SPATA9: variants seen among roughly 807,000 people sequenced by gnomAD.
SPATA9 encodes the protein spermatogenesis-associated protein 9.
Under a neutral mutation model 25.5 loss-of-function variants are expected in SPATA9, and 27 were observed. That is an observed-to-expected ratio of 1.06 (90% CI 0.78 to 1.46). The LOEUF (loss-of-function observed/expected upper bound fraction) is 1.46. SPATA9 is among the 40% of genes most tolerant of loss of function. The pLI is 0.00. For missense variants in SPATA9, 282 were observed against 297.5 expected (o/e 0.95, Z 0.38); for synonymous variants, 102 against 105.7 (o/e 0.97, Z 0.21).
At chr5:95,730,991 C>G in the SPATA9 span, 1 of 610,304 alleles carries the variant, frequency 1.6e-6, no homozygotes, top group South Asian at 1.5e-5. Flanking sequence ...CCTCCTTTTT[C>G]CAGTCCGGAG....
At chr5:95,681,089 A>C (rs968206695) in intron 2 of SPATA9, among the ~76,000 whole-genome samples, 20 of 152,210 alleles carry the variant, frequency 1.3e-4, no homozygotes, top group African/African-American at 4.6e-4. Flanking sequence ...CTCTGCCTCC[A>C]TTCGGATCTC....
At chr5:95,710,325 C>G in the SPATA9 span, among the ~76,000 whole-genome samples, 8 of 152,186 alleles carry the variant, frequency 5.3e-5, no homozygotes, top group Admixed American at 2.0e-4. Context: ...GAAAGTCAAA[C>G]GAGGCTGATC....
chr5:95,656,248 T>G (rs771678629), downstream of SPATA9: 9 of 1,613,434 alleles, frequency 5.6e-6, no homozygotes, highest in South Asian at 8.8e-5. Flanking sequence ...AATGAACCTT[T>G]TAAGTGTGAC....
the SPATA9 span, among the ~76,000 whole-genome samples, chr5:95,724,655 G>A: frequency 2.6e-5 from 4 of 152,076 alleles, no homozygotes; most frequent in African/African-American, 7.2e-5. Flanking sequence ...TAGTAGAGAC[G>A]GGGTTTCAAC....
chr5:95,685,323 C>A (rs534109211), upstream of SPATA9, among the ~76,000 whole-genome samples: 38 of 152,330 alleles, frequency 2.5e-4, 1 homozygote, highest in South Asian at 7.9e-3. Flanking sequence ...CCCTAACAAC[C>A]TTCCTAATTG....
the SPATA9 span, chr5:95,731,323 C>A: frequency 9.3e-7 from 1 of 1,079,486 alleles, no homozygotes; most frequent in Non-Finnish European, 1.1e-6. Context: ...GGAGGAGGAG[C>A]AGCGGCAGCG....
chr5:95,688,591 T>G lies in SPATA9; in HGVS notation n.124+9997A>C, dbSNP rs575631467. On this transcript the variant is annotated intron_variant and non_coding_transcript_variant, in intron 1 of 2. Coordinates refer to the SPATA9 transcript ENST00000379990. ...GCAATGTAGATGGAACTGGAGGCCA[T>G]TATGTTAAGTGAAATAACTCAGAAG... Among the ~76,000 whole-genome samples, 21 of 152,254 alleles carry G rather than the reference T, an allele frequency of 1.4e-4. No homozygotes were observed. The East Asian group carries it at 4.1e-3, about 29-fold the overall frequency.
upstream of SPATA9, chr5:95,683,175 C>T (rs1225352363): frequency 4.6e-6 from 1 of 217,090 alleles, no homozygotes; most frequent in Non-Finnish European, 7.8e-6. Context: ...CCAAATTCTG[C>T]AGTGATACCA....
the SPATA9 span, among the ~76,000 whole-genome samples, chr5:95,706,533 C>A: frequency 6.6e-6 from 1 of 152,030 alleles, no homozygotes; most frequent in African/African-American, 2.4e-5. Flanking sequence ...CCAATTAAAT[C>A]TCTTTTCTTT....
At chr5:95,712,562 G>A in the SPATA9 span, among the ~76,000 whole-genome samples, 3 of 152,200 alleles carry the variant, frequency 2.0e-5, no homozygotes, top group African/African-American at 7.2e-5. Context: ...AGGGCATCTG[G>A]TTATCAGCCC....
At chr5:95,664,228 T>C (rs1751546310) in intron 3 of SPATA9, among the ~76,000 whole-genome samples, 180 bp from the exon 4 acceptor site, 1 of 152,176 alleles carries the variant, frequency 6.6e-6, no homozygotes, top group Admixed American at 6.6e-5. Flanking sequence ...AAGAAGACAG[T>C]TTCTTGTGCT....
chr5:95,710,084 C>A, the SPATA9 span, among the ~76,000 whole-genome samples: 2 of 152,108 alleles, frequency 1.3e-5, no homozygotes, highest in Non-Finnish European at 2.9e-5. Context: ...CAGCTTTTTG[C>A]GCTGAGGTGT....
At chr5:95,669,248 T>C (rs1752119048) in intron 3 of SPATA9, among the ~76,000 whole-genome samples, 1 of 152,204 alleles carries the variant, frequency 6.6e-6, no homozygotes, top group Non-Finnish European at 1.5e-5. Flanking sequence ...GAGTACTGTA[T>C]GTCTTCAAGA....
intron 2 of SPATA9, among the ~76,000 whole-genome samples, chr5:95,679,699 T>A (rs539574586): frequency 1.5e-4 from 23 of 152,314 alleles, no homozygotes; most frequent in African/African-American, 5.3e-4. Flanking sequence ...CCTCTTCCTA[T>A]GATGACTGAT....
chr5:95,693,117 C>T (rs929678877), intron 1 of SPATA9, among the ~76,000 whole-genome samples: 1 of 152,184 alleles, frequency 6.6e-6, no homozygotes, highest in African/African-American at 2.4e-5. Flanking sequence ...CAATGTAGAG[C>T]TCAGGAATGC....
downstream of SPATA9, chr5:95,655,885 C>G: frequency 1.6e-6 from 1 of 619,180 alleles, no homozygotes; most frequent in East Asian, 2.8e-5. Context: ...GATGACTCTT[C>G]TCAGATTAGG....
intron 1 of SPATA9, among the ~76,000 whole-genome samples, chr5:95,697,421 C>T (rs1202363251): frequency 1.3e-5 from 2 of 152,120 alleles, no homozygotes; most frequent in African/African-American, 2.4e-5. Flanking sequence ...CCATGGTGAG[C>T]AGTTCAAAAG....
At chr5:95,708,713 C>G in the SPATA9 span, 5 of 687,364 alleles carry the variant, frequency 7.3e-6, no homozygotes, top group Admixed American at 1.0e-4. Context: ...GCTCCTATGA[C>G]CGGTAAGTTG....
At chr5:95,716,671 T>C in the SPATA9 span, among the ~76,000 whole-genome samples, 6 of 152,154 alleles carry the variant, frequency 3.9e-5, no homozygotes, top group South Asian at 2.1e-4. Flanking sequence ...ATGATTGGCG[T>C]TGAAATGTGG....
Sources: gnomAD v4.1 joint callset for allele counts (sites outside exome capture counted in the v4.1 genomes callset) on GRCh38, gnomAD v4.1.1 for gene constraint, MANE v1.5 for transcripts, NCBI Gene and HGNC (gene_info 2026-07-23, HGNC 2026-07-21) for gene names.